LRRC3B: variants seen among roughly 807,000 people sequenced by gnomAD.
LRRC3B encodes leucine-rich repeat-containing protein 3B.
LRRC3B carries 2 observed loss-of-function variants against 12.8 expected under a neutral mutation model. The observed-to-expected ratio is 0.16, with a 90% CI of 0.06 to 0.49. LRRC3B has a LOEUF of 0.49. Ranked by LOEUF, LRRC3B falls within the 20% of genes least tolerant of loss-of-function variation. The probability of loss-of-function intolerance (pLI) is 0.96; values close to 1 mark genes in which losing one functional copy is unlikely to be tolerated. For synonymous variants in LRRC3B, 132 were observed against 122.0 expected, an observed-to-expected ratio of 1.08 and a Z score of -0.54; for missense variants, 189 against 319.4, an observed-to-expected ratio of 0.59 and a Z score of 3.11.
intron 1 of LRRC3B, among the ~76,000 whole-genome samples, chr3:26,650,730 G>T (rs1193507177): frequency 6.6e-6 from 1 of 152,048 alleles, no homozygotes; most frequent in Admixed American, 6.5e-5. Flanking sequence ...TATTATTGCT[G>T]TTATTATTAG....
At chr3:26,659,047 T>C (rs557408017) in intron 1 of LRRC3B, among the ~76,000 whole-genome samples, 3 of 152,338 alleles carry the variant, frequency 2.0e-5, no homozygotes, top group Admixed American at 2.0e-4. Context: ...AACTTAACTT[T>C]ACAAATATAT....
intron 1 of LRRC3B, among the ~76,000 whole-genome samples, chr3:26,671,735 T>C (rs1219328923): frequency 6.6e-6 from 1 of 152,084 alleles, no homozygotes; most frequent in Admixed American, 6.5e-5. Context: ...ACTAGCTCTT[T>C]TCTGCAAATG....
At chr3:26,687,328 G>A (rs1700107616) in intron 1 of LRRC3B, among the ~76,000 whole-genome samples, 1 of 152,128 alleles carries the variant, frequency 6.6e-6, no homozygotes, top group African/African-American at 2.4e-5. Flanking sequence ...TTAAGGAAAT[G>A]TCCTCTTTAT....
At chr3:26,699,511 G>GT (rs1700401126) in intron 1 of LRRC3B, among the ~76,000 whole-genome samples, 1 of 152,102 alleles carries the variant, frequency 6.6e-6, no homozygotes. Context: ...TCAATCCTGT[G>GT]TTTTTCCCAC....
intron 1 of LRRC3B, among the ~76,000 whole-genome samples, chr3:26,651,584 A>G (rs989075783): frequency 1.5e-4 from 23 of 152,098 alleles, no homozygotes; most frequent in African/African-American, 4.6e-4. Context: ...TCAATACTCA[A>G]TAAATATCTG....
At chr3:26,682,255 C>T (rs1699987940) in intron 1 of LRRC3B, among the ~76,000 whole-genome samples, 1 of 152,116 alleles carries the variant, frequency 6.6e-6, no homozygotes, top group Non-Finnish European at 1.5e-5. Context: ...TTCCTCTTGT[C>T]CAACTGTTTT....
intron 1 of LRRC3B, among the ~76,000 whole-genome samples, chr3:26,700,713 G>GA (rs1215299260): frequency 1.3e-5 from 2 of 152,212 alleles, no homozygotes; most frequent in Middle Eastern, 3.4e-3. Context: ...AGTTAGGAAG[G>GA]AAAAAAATTA....
chr3:26,661,837 A>G (rs1286788313), intron 1 of LRRC3B, among the ~76,000 whole-genome samples: 1 of 152,212 alleles, frequency 6.6e-6, no homozygotes, highest in Admixed American at 6.5e-5. Context: ...ATTTCTTTAG[A>G]TTCTACCAGC....
At position 26,671,413 on chromosome 3, in the gene LRRC3B, G is replaced by GAGAGAGAGACAC. The variant is rs9331540; in HGVS notation, c.-160-38099_-160-38098insGAGAGAGACACA. Among the ~76,000 whole-genome samples, 288 of 99,350 alleles carry GAGAGAGAGACAC rather than the reference G, an allele frequency of 2.9e-3. 11 individuals are homozygous for GAGAGAGAGACAC. Among genetic ancestry groups the GAGAGAGAGACAC allele is most frequent in the Non-Finnish European group, 4.1e-3 (211 of 51,252 alleles). 65.2% of individuals were successfully genotyped at this position (99,350 alleles called of 152,430 possible). On this transcript the variant is annotated intron_variant, in intron 1 of 1. Coordinates refer to ENST00000396641, the Ensembl canonical transcript of LRRC3B. ...AGAGAGAGAGAGAGAGAGAGAGAGA[G>GAGAGAGAGACAC]ACGAAGTCTTGCTCTGTCGCCAGGC...
At chr3:26,670,494 G>C (rs1449906715) in intron 1 of LRRC3B, among the ~76,000 whole-genome samples, 2 of 152,108 alleles carry the variant, frequency 1.3e-5, no homozygotes, top group Non-Finnish European at 2.9e-5. Flanking sequence ...TGAGCACCGG[G>C]TTTTTTAATC....
chr3:26,625,108 G>T (rs975971363), intron 1 of LRRC3B: 1 of 152,362 alleles, frequency 6.6e-6, no homozygotes. Flanking sequence ...TTGGAACCCT[G>T]TACAACCTTT....
At chr3:26,669,364 C>CTGAT (rs1699673244) in intron 1 of LRRC3B, among the ~76,000 whole-genome samples, 1 of 152,110 alleles carries the variant, frequency 6.6e-6, no homozygotes, top group African/African-American at 2.4e-5. Flanking sequence ...ATGGAGTGAA[C>CTGAT]TGATTGCATT....
At chr3:26,655,042 CTACT>C (rs911858123) in intron 1 of LRRC3B, among the ~76,000 whole-genome samples, 8 of 152,072 alleles carry the variant, frequency 5.3e-5, no homozygotes, top group Non-Finnish European at 1.0e-4. Flanking sequence ...ATTTATCAAT[CTACT>C]TATTTAGCTA....
chr3:26,709,403 A>G (rs1389893240), intron 1 of LRRC3B, 110 bp from the exon 2 acceptor site: 2 of 463,520 alleles, frequency 4.3e-6, no homozygotes, highest in Admixed American at 7.2e-5. Context: ...AATTACCTGC[A>G]TAACTAACCC....
intron 1 of LRRC3B, among the ~76,000 whole-genome samples, chr3:26,631,641 A>C (rs1438474631): frequency 1.3e-5 from 2 of 152,226 alleles, no homozygotes; most frequent in African/African-American, 4.8e-5. Flanking sequence ...TTGATGAAAT[A>C]GAACCTGCTT....
At chr3:26,687,831 A>G (rs567405486) in intron 1 of LRRC3B, among the ~76,000 whole-genome samples, 1 of 152,362 alleles carries the variant, frequency 6.6e-6, no homozygotes, top group African/African-American at 2.4e-5. Flanking sequence ...TGGGAAGAGT[A>G]TCAAGGGTTG....
intron 1 of LRRC3B, among the ~76,000 whole-genome samples, chr3:26,628,250 T>C (rs1698671921): frequency 3.9e-5 from 6 of 152,156 alleles, no homozygotes; most frequent in Admixed American, 3.9e-4. Flanking sequence ...AAAACTTTTA[T>C]TCAGAACACA....
At position 26,631,570 on chromosome 3, in the gene LRRC3B, G is replaced by A. The variant is rs77000697; in HGVS notation, c.-161+8333G>A. ...AAACAGATGGCTCATGTTATCCAGTGTTGGGAGAAGATAACAGAATGTCCC... is the reference window on the plus strand; with the variant it reads ...AAACAGATGGCTCATGTTATCCAGTATTGGGAGAAGATAACAGAATGTCCC... On this transcript the variant is annotated intron_variant, in intron 1 of 1. Coordinates refer to ENST00000396641, the Ensembl canonical transcript of LRRC3B. 2.4e-4 allele frequency among the ~76,000 whole-genome samples: 36 copies of A among 152,276 alleles called. No individual in the cohort carries two copies. The East Asian group carries it at 6.8e-3, about 29-fold the overall frequency.
intron 1 of LRRC3B, among the ~76,000 whole-genome samples, chr3:26,693,454 C>T (rs1700236227): frequency 6.6e-6 from 1 of 151,944 alleles, no homozygotes; most frequent in Admixed American, 6.6e-5. Flanking sequence ...CTCAACAGTC[C>T]CAATCTAGAC....
Sources: gnomAD v4.1 joint callset for allele counts (sites outside exome capture counted in the v4.1 genomes callset) on GRCh38, gnomAD v4.1.1 for gene constraint, MANE v1.5 for transcripts, NCBI Gene and HGNC (gene_info 2026-07-23, HGNC 2026-07-21) for gene names.